Variants in TSNARE1 observed in about 807,000 individuals in gnomAD.
The protein encoded by TSNARE1 is t-SNARE domain-containing protein 1.
Under a neutral mutation model 62.0 loss-of-function variants are expected in TSNARE1, and 49 were observed. That is an observed-to-expected ratio of 0.79 (90% CI 0.63 to 1.00). The LOEUF (loss-of-function observed/expected upper bound fraction) is 1.00. TSNARE1 is among the 50% of genes least tolerant of loss of function. TSNARE1 has a pLI of 0.00. For synonymous variants in TSNARE1, 328 were observed against 294.4 expected (o/e 1.11, Z -1.17); for missense variants, 755 against 700.1 (o/e 1.08, Z -0.88).
chr8:142,308,709 G>A (rs533994880), intron 9 of TSNARE1, among the ~76,000 whole-genome samples: 59 of 152,132 alleles, frequency 3.9e-4, no homozygotes, highest in African/African-American at 1.3e-3. Context: ...AATCCCTTTC[G>A]TTCTTCTTCA....
intron 1 of TSNARE1, among the ~76,000 whole-genome samples, chr8:142,373,619 C>T (rs912085295): frequency 6.7e-6 from 1 of 150,164 alleles, no homozygotes. Context: ...TCTGTGACGC[C>T]CCCACCCCCA....
chr8:142,256,187 CCAT>C (rs1428719237), intron 12 of TSNARE1, among the ~76,000 whole-genome samples: 64 of 120,250 alleles, frequency 5.3e-4, no homozygotes, highest in East Asian at 2.2e-3. Context: ...ATCACCACCA[CCAT>C]CATCACCACC....
At position 142,220,837 on chromosome 8, in the gene TSNARE1, CG is replaced by C. The variant is rs537976285; in HGVS notation, c.*12-8525del. Reference sequence around the variant, plus strand: ...CTGGCACCCGCTAGCTGTGCAACCTCGGGCTGAATACTGTACCTCCTGGCCA... The same window carrying C: ...CTGGCACCCGCTAGCTGTGCAACCTCGGCTGAATACTGTACCTCCTGGCCA... On this transcript the variant is annotated intron_variant, in intron 13 of 13. Coordinates refer to ENST00000524325, the MANE Select transcript of TSNARE1 (RefSeq NM_145003.5). Among the ~76,000 whole-genome samples the C allele has an allele frequency of 1.2e-4, 18 of 152,320 alleles. No homozygotes were observed. The South Asian group carries it at 3.5e-3, about 30-fold the overall frequency.
intron 2 of TSNARE1, among the ~76,000 whole-genome samples, chr8:142,352,101 C>T (rs1270429810): frequency 1.3e-5 from 2 of 152,236 alleles, no homozygotes; most frequent in Non-Finnish European, 2.9e-5. Context: ...CCCAGCAGGC[C>T]TCCCAGTGAG....
At chr8:142,287,987 C>A (rs1257785409) in intron 10 of TSNARE1, among the ~76,000 whole-genome samples, 3 of 152,260 alleles carry the variant, frequency 2.0e-5, no homozygotes, top group Non-Finnish European at 2.9e-5. Context: ...GCTGCAGCCA[C>A]CAGCATGGGA....
intron 6 of TSNARE1, among the ~76,000 whole-genome samples, chr8:142,324,493 C>T (rs542716321): frequency 1.4e-4 from 21 of 152,322 alleles, no homozygotes; most frequent in East Asian, 9.7e-4. Flanking sequence ...TTTGCCCTAG[C>T]GCCCTGCCCT....
At chr8:142,285,708 G>A (rs1822615385) in intron 10 of TSNARE1, among the ~76,000 whole-genome samples, 2 of 152,198 alleles carry the variant, frequency 1.3e-5, no homozygotes, top group Non-Finnish European at 2.9e-5. Flanking sequence ...AGTGAACAGA[G>A]TAAGGAACAG....
chr8:142,324,795 T>A (rs1829962386), intron 6 of TSNARE1, among the ~76,000 whole-genome samples: 1 of 152,120 alleles, frequency 6.6e-6, no homozygotes, highest in African/African-American at 2.4e-5. Flanking sequence ...GGTGACACAC[T>A]CGCCCTGGAA....
intron 12 of TSNARE1, among the ~76,000 whole-genome samples, chr8:142,267,617 T>G (rs1033275117): frequency 6.6e-6 from 1 of 152,128 alleles, no homozygotes; most frequent in Non-Finnish European, 1.5e-5. Context: ...GGGGACCTAG[T>G]GAGGGGACCC....
At chr8:142,338,723 G>A (rs1228279429) in intron 4 of TSNARE1, among the ~76,000 whole-genome samples, 1 of 152,248 alleles carries the variant, frequency 6.6e-6, no homozygotes, top group Non-Finnish European at 1.5e-5. Context: ...GGTTCAGGCA[G>A]GAAAAAGCCC....
intron 12 of TSNARE1, chr8:142,271,841 A>G (rs936005922): frequency 1.0e-5 from 5 of 492,576 alleles, no homozygotes; most frequent in Admixed American, 4.3e-5. Flanking sequence ...TGGGAGTTGC[A>G]CCCGTTTGAG....
chr8:142,315,047 T>A lies in TSNARE1; in HGVS notation c.1030A>T (p.Thr344Ser). ...QERPQLDRLK[T>S]QLSDAIQCYG... is the part of the protein sequence containing the mutation. Reference sequence around the variant, plus strand: ...CACTGAATGGCATCTGAGAGCTGGGTTTTCAGCCGGTCCAGCTGAGGACGC... The same window carrying A: ...CACTGAATGGCATCTGAGAGCTGGGATTTCAGCCGGTCCAGCTGAGGACGC... Residue 344 changes from threonine to serine, a missense_variant, in exon 8 of 14, where the codon ACC (threonine) becomes TCC (serine). By Grantham distance (58) the Thr-to-Ser change is moderately conservative. Transcript: ENST00000524325. 6.2e-7 allele frequency: 1 copy of A among 1,613,926 alleles called. No homozygotes were observed. Among genetic ancestry groups the A allele is most frequent in the Non-Finnish European group, 8.5e-7 (1 of 1,179,972 alleles).
chr8:142,373,878 AGCACAGCCAGCG>A (rs986333701), intron 1 of TSNARE1, among the ~76,000 whole-genome samples: 21 of 152,296 alleles, frequency 1.4e-4, no homozygotes, highest in African/African-American at 5.1e-4. Flanking sequence ...AAGGGCTCAG[AGCACAGCCAGCG>A]GCACACCCAG....
chr8:142,297,357 G>A (rs768125398), intron 10 of TSNARE1, among the ~76,000 whole-genome samples: 8 of 152,172 alleles, frequency 5.3e-5, no homozygotes, highest in Non-Finnish European at 1.2e-4. Context: ...GCGCAACACT[G>A]GCCCACTACT....
intron 1 of TSNARE1, among the ~76,000 whole-genome samples, chr8:142,367,164 TG>T (rs1435154268): frequency 1.3e-5 from 2 of 152,194 alleles, no homozygotes; most frequent in Non-Finnish European, 2.9e-5. Context: ...ATAGAATGAC[TG>T]TATCACAAAG....
In TSNARE1 at chr8:142,222,776, CCACT is replaced by C. The variant is rs1245197004; in HGVS notation, c.*11+6693_*11+6696del. Among the ~76,000 whole-genome samples the C allele has an allele frequency of 2.7e-3, 142 of 52,190 alleles. 6 individuals carry two copies. Among genetic ancestry groups the C allele is most frequent in the Middle Eastern group, 0.017 (1 of 58 alleles). The allele number at this position is 52,190 out of a possible 152,430, so 34.2% of individuals were successfully genotyped here. On this transcript the variant is annotated intron_variant, in intron 13 of 13. Coordinates refer to ENST00000524325, the MANE Select transcript of TSNARE1 (RefSeq NM_145003.5). ...TCCACTCACTCACTCATTCACTCAT[CCACT>C]CACTCACTCACTCATCCACTCACTC...
intron 11 of TSNARE1, chr8:142,275,300 G>C (rs1023517596): frequency 1.0e-6 from 1 of 985,324 alleles, no homozygotes; most frequent in African/African-American, 1.7e-5. Flanking sequence ...ATGGAGACCG[G>C]GTCTGCAAGC....
At chr8:142,288,747 C>G (rs1823243662) in intron 10 of TSNARE1, among the ~76,000 whole-genome samples, 1 of 152,260 alleles carries the variant, frequency 6.6e-6, no homozygotes, top group Non-Finnish European at 1.5e-5. Flanking sequence ...CTAGACTCAG[C>G]AGAGAAGCAG....
chr8:142,287,906 C>T (rs528777339), intron 10 of TSNARE1, among the ~76,000 whole-genome samples: 1 of 152,274 alleles, frequency 6.6e-6, no homozygotes, highest in South Asian at 2.1e-4. Flanking sequence ...AGTGGGCCGC[C>T]CTCCAGGTCG....
Sources: allele counts gnomAD v4.1 joint callset (sites outside exome capture counted in the v4.1 genomes callset), GRCh38; gene constraint gnomAD v4.1.1; transcripts MANE v1.5; gene names NCBI Gene and HGNC (gene_info 2026-07-23, HGNC 2026-07-21).